GTF2F2: variants seen among roughly 807,000 people sequenced by gnomAD.
GTF2F2 encodes ATP-dependent helicase GTF2F2.
A neutral mutation model predicts 42.2 loss-of-function variants in GTF2F2; 23 were observed. The ratio of observed to expected loss-of-function variants is 0.55; its 90% CI spans 0.39 to 0.77. The LOEUF (loss-of-function observed/expected upper bound fraction) is 0.77, where lower values mean the gene tolerates loss of function less well. Ranked by LOEUF, GTF2F2 falls within the 30% of genes least tolerant of loss-of-function variation. The probability of loss-of-function intolerance (pLI) is 0.00; values close to 1 mark genes in which losing one functional copy is unlikely to be tolerated. For missense variants in GTF2F2, 261 were observed against 287.2 expected, an observed-to-expected ratio of 0.91 and a Z score of 0.66; for synonymous variants, 105 against 100.8, an observed-to-expected ratio of 1.04 and a Z score of -0.25.
intron 5 of GTF2F2, among the ~76,000 whole-genome samples, chr13:45,238,455 G>A (rs753505678): frequency 3.1e-4 from 47 of 152,186 alleles, no homozygotes; most frequent in South Asian, 2.5e-3. Flanking sequence ...TCTAGAGTGC[G>A]TGATTAACAG....
chr13:45,242,085 G>A (rs1370054647), intron 5 of GTF2F2, among the ~76,000 whole-genome samples: 3 of 151,908 alleles, frequency 2.0e-5, no homozygotes, highest in Admixed American at 6.6e-5. Flanking sequence ...CCTCTGAAAA[G>A]CATCTTACTC....
chr13:45,213,721 G>A (rs778267019), intron 5 of GTF2F2, among the ~76,000 whole-genome samples: 16 of 151,440 alleles, frequency 1.1e-4, no homozygotes, highest in Admixed American at 2.6e-4. Context: ...GATTGAAATA[G>A]AAATGGCAAA....
chr13:45,275,797 T>G (rs1157068071), intron 7 of GTF2F2, among the ~76,000 whole-genome samples: 1 of 152,212 alleles, frequency 6.6e-6, no homozygotes, highest in East Asian at 1.9e-4. Flanking sequence ...GCATGATTTA[T>G]AATCCTTTGG....
chr13:45,140,432 A>G (rs1869867374), intron 2 of GTF2F2, among the ~76,000 whole-genome samples: 1 of 152,202 alleles, frequency 6.6e-6, no homozygotes, highest in South Asian at 2.1e-4. Context: ...TCCTAGTTCT[A>G]ACTCAATCAT....
intron 4 of GTF2F2, among the ~76,000 whole-genome samples, chr13:45,201,699 A>G (rs1385445909): frequency 2.6e-5 from 4 of 152,188 alleles, no homozygotes; most frequent in African/African-American, 7.2e-5. Flanking sequence ...TTCATACTCA[A>G]TAAGATTCTT....
intron 4 of GTF2F2, among the ~76,000 whole-genome samples, chr13:45,173,851 T>C (rs1374453803): frequency 1.3e-5 from 2 of 152,022 alleles, no homozygotes; most frequent in African/African-American, 4.8e-5. Flanking sequence ...TCTCCTGACC[T>C]CGTGATCCAC....
chr13:45,202,373 C>T (rs1287556470), intron 4 of GTF2F2, among the ~76,000 whole-genome samples: 3 of 152,110 alleles, frequency 2.0e-5, no homozygotes, highest in Non-Finnish European at 4.4e-5. Flanking sequence ...GGCAACAGAG[C>T]GAGACTCCAT....
intron 5 of GTF2F2, among the ~76,000 whole-genome samples, chr13:45,227,524 T>C (rs1874419355): frequency 6.6e-6 from 1 of 152,256 alleles, no homozygotes; most frequent in Non-Finnish European, 1.5e-5. Flanking sequence ...ATGTCACTTA[T>C]ATCTCAAAAC....
At chr13:45,189,886 A>G (rs762176953) in intron 4 of GTF2F2, among the ~76,000 whole-genome samples, 17 of 152,168 alleles carry the variant, frequency 1.1e-4, no homozygotes, top group Non-Finnish European at 2.1e-4. Context: ...TTGCAATACT[A>G]TTCAGGATGG....
intron 4 of GTF2F2, among the ~76,000 whole-genome samples, chr13:45,197,341 T>TA (rs67534725): frequency 0.11 from 15,083 of 137,112 alleles, 2,128 homozygotes; most frequent in African/African-American, 0.33. Flanking sequence ...TACCAAAAAT[T>TA]AAAAAAAAAA....
intron 5 of GTF2F2, among the ~76,000 whole-genome samples, chr13:45,211,539 G>A (rs1873641807): frequency 6.8e-6 from 1 of 147,696 alleles, no homozygotes; most frequent in South Asian, 2.2e-4. Flanking sequence ...AAAGTGCTGG[G>A]ATTATAGGCA....
chr13:45,191,905 G>T (rs575997650), intron 4 of GTF2F2, among the ~76,000 whole-genome samples: 5 of 152,182 alleles, frequency 3.3e-5, no homozygotes, highest in Admixed American at 2.6e-4. Context: ...AACCTTACTT[G>T]TAATGCTTCT....
intron 1 of GTF2F2, among the ~76,000 whole-genome samples, chr13:45,135,831 T>C (rs181854189): frequency 2.0e-5 from 3 of 152,264 alleles, no homozygotes; most frequent in African/African-American, 4.8e-5. Context: ...TAAGGTGTTA[T>C]GCTTTATACT....
intron 7 of GTF2F2, among the ~76,000 whole-genome samples, chr13:45,281,997 G>A (rs1231790138): frequency 1.3e-5 from 2 of 152,064 alleles, no homozygotes; most frequent in African/African-American, 2.4e-5. Flanking sequence ...ACAGGAGTTC[G>A]AGACCAGCCT....
At chr13:45,122,175 T>A (rs571985573) in intron 1 of GTF2F2, among the ~76,000 whole-genome samples, 1 of 152,156 alleles carries the variant, frequency 6.6e-6, no homozygotes, top group Non-Finnish European at 1.5e-5. Context: ...GATTGTCATA[T>A]CATGAAACGG....
chr13:45,214,768 C>T (rs1289615474), intron 5 of GTF2F2, among the ~76,000 whole-genome samples: 1 of 151,898 alleles, frequency 6.6e-6, no homozygotes, highest in Non-Finnish European at 1.5e-5. Context: ...TGAATGGTGG[C>T]TTATGTGCCC....
intron 7 of GTF2F2, among the ~76,000 whole-genome samples, chr13:45,280,262 G>A (rs994800219): frequency 1.2e-4 from 18 of 152,314 alleles, no homozygotes; most frequent in African/African-American, 3.1e-4. Context: ...CTACAAAGGC[G>A]TTTGGAATTT....
At chr13:45,253,312 AT>A (rs1289023161) in intron 6 of GTF2F2, among the ~76,000 whole-genome samples, 5 of 152,178 alleles carry the variant, frequency 3.3e-5, no homozygotes, top group African/African-American at 7.2e-5. Flanking sequence ...TAGTTTTACT[AT>A]TTTTAAAAAT....
chr13:45,254,466 T>C (rs369694872), intron 6 of GTF2F2, among the ~76,000 whole-genome samples: 9 of 152,296 alleles, frequency 5.9e-5, no homozygotes, highest in African/African-American at 2.2e-4. Context: ...TGCATACATA[T>C]TATGTATACT....
Sources: gnomAD v4.1 joint callset for allele counts (sites outside exome capture counted in the v4.1 genomes callset) on GRCh38, gnomAD v4.1.1 for gene constraint, MANE v1.5 for transcripts, NCBI Gene and HGNC (gene_info 2026-07-23, HGNC 2026-07-21) for gene names.